Variants in NCOR1 observed in about 807,000 individuals in gnomAD.
The protein encoded by NCOR1 is protein phosphatase 1, regulatory subunit 109.
A neutral mutation model predicts 288.1 loss-of-function variants in NCOR1; 63 were observed. The ratio of observed to expected loss-of-function variants is 0.22; its 90% CI spans 0.18 to 0.27. The LOEUF (loss-of-function observed/expected upper bound fraction) is 0.27, where lower values mean the gene tolerates loss of function less well. NCOR1 is among the 10% of genes least tolerant of loss of function. The probability of loss-of-function intolerance (pLI) is 1.00; values close to 1 mark genes in which losing one functional copy is unlikely to be tolerated. For synonymous variants in NCOR1, 1,007 were observed against 1,065.9 expected, an observed-to-expected ratio of 0.94 and a Z score of 1.08; for missense variants, 2,397 against 3,019.2, an observed-to-expected ratio of 0.79 and a Z score of 4.83.
At chr17:16,122,089 G>A (rs2073130607) in intron 15 of NCOR1, among the ~76,000 whole-genome samples, 1 of 152,156 alleles carries the variant, frequency 6.6e-6, no homozygotes, top group South Asian at 2.1e-4. Flanking sequence ...AACTCCCTCA[G>A]GATATAAAGT....
At chr17:16,064,722 A>G in intron 34 of NCOR1, 148 bp downstream of exon 34, 1 of 661,614 alleles carries the variant, frequency 1.5e-6, no homozygotes. Context: ...ATCTAGTGAC[A>G]GCTGGCACAT....
At chr17:16,148,299 G>A (rs1014497494) in intron 9 of NCOR1, among the ~76,000 whole-genome samples, 1 of 152,124 alleles carries the variant, frequency 6.6e-6, no homozygotes, top group Non-Finnish European at 1.5e-5. Flanking sequence ...AGTTTGCAGA[G>A]AATTGGTTTT....
Position 16,070,382 on chromosome 17 carries a change from C to T in NCOR1, c.4296G>A (p.Arg1432=). The T allele has an allele frequency of 1.9e-6, 3 of 1,614,188 alleles. No individual in the cohort carries two copies. The highest frequency in any genetic ancestry group is 2.5e-6 in the Non-Finnish European group (3 of 1,180,040). ...CTGCTTTCACATCCTCATATTTTCC[C>T]CGTTCTACCACTTTTATGTTCTCTG... ...IVPENIKVVE[R]GKYEDVKAGE... is the part of the protein sequence containing the mutation. The change falls in exon 31 of 46, where the codon CGG becomes CGA. Residue 1432 remains arginine (R), a synonymous_variant. Transcript: ENST00000268712.
At chr17:16,177,567 T>C (rs2084462724) in intron 3 of NCOR1, among the ~76,000 whole-genome samples, 1 of 152,162 alleles carries the variant, frequency 6.6e-6, no homozygotes, top group African/African-American at 2.4e-5. Flanking sequence ...AGAATAGGTA[T>C]GGCTTTCTAA....
At chr17:16,203,206 C>T (rs565185249) in intron 1 of NCOR1, among the ~76,000 whole-genome samples, 1 of 152,314 alleles carries the variant, frequency 6.6e-6, no homozygotes, top group Admixed American at 6.5e-5. Flanking sequence ...AACCTTAAAT[C>T]AGAACATGTC....
intron 4 of NCOR1, among the ~76,000 whole-genome samples, chr17:16,167,150 T>G (rs1437643332): frequency 6.6e-6 from 1 of 152,196 alleles, no homozygotes; most frequent in Admixed American, 6.5e-5. Context: ...GCTCCTCAGG[T>G]GATTCTGATG....
Position 16,064,200 on chromosome 17 carries a change from A to G in NCOR1, c.5102-13T>C. The stretch of plus-strand genomic sequence containing the variant: ...TGTGTTGGGTGTCCTGTAAAACATA[A>G]ACCTGCAGCTTAAAGATAAAAATAT... On this transcript the variant is annotated splice_polypyrimidine_tract_variant and intron_variant, in intron 34 of 45. Coordinates refer to ENST00000268712, the MANE Select transcript of NCOR1 (RefSeq NM_006311.4). The G allele has an allele frequency of 6.2e-7, 1 of 1,607,636 alleles. No individual in the cohort carries two copies. The highest frequency in any genetic ancestry group is 8.5e-7 in the Non-Finnish European group (1 of 1,176,654).
intron 41 of NCOR1, 125 bp downstream of exon 41, chr17:16,048,720 C>A: frequency 2.0e-6 from 2 of 989,086 alleles, no homozygotes; most frequent in Non-Finnish European, 2.7e-6. Context: ...GACAAATGAT[C>A]CTCTAAGAAT....
At chr17:16,119,665 A>G (rs2072568667) in intron 16 of NCOR1, among the ~76,000 whole-genome samples, 180 bp from the exon 17 acceptor site, 2 of 152,232 alleles carry the variant, frequency 1.3e-5, no homozygotes, top group African/African-American at 2.4e-5. Context: ...AAACAAGTCA[A>G]CACTTCAATA....
intron 15 of NCOR1, among the ~76,000 whole-genome samples, chr17:16,125,688 C>A (rs1350216419): frequency 8.1e-6 from 1 of 123,232 alleles, no homozygotes; most frequent in Non-Finnish European, 1.6e-5. Flanking sequence ...GGCAACAGAG[C>A]GAGACGCCAT....
intron 3 of NCOR1, among the ~76,000 whole-genome samples, chr17:16,182,614 C>A (rs571108826): frequency 2.5e-4 from 38 of 152,212 alleles, no homozygotes; most frequent in Middle Eastern, 3.4e-3. Context: ...ACCACCACGC[C>A]CGGCTAATGT....
intron 2 of NCOR1, among the ~76,000 whole-genome samples, chr17:16,188,084 G>A (rs1338950002): frequency 6.6e-6 from 1 of 151,958 alleles, no homozygotes; most frequent in Non-Finnish European, 1.5e-5. Context: ...ACAATATAAT[G>A]AATATATTAA....
Position 16,086,224 on chromosome 17 carries a change from C to G in NCOR1, c.3177+58G>C. The G allele has an allele frequency of 2.0e-6, 3 of 1,530,670 alleles. No individual in the cohort carries two copies. The South Asian group carries it at 3.4e-5, about 17-fold the overall frequency. 94.8% of individuals were successfully genotyped at this position (1,530,670 alleles called of 1,614,324 possible). On this transcript the variant is annotated intron_variant, in intron 23 of 45. Coordinates refer to ENST00000268712, the MANE Select transcript of NCOR1 (RefSeq NM_006311.4). Reference sequence around the variant, plus strand: ...GACAAATCAGTGCGAGGAGGGAGGACAAGTTTTAACAAAGCCATATTCAAC... The same window carrying G: ...GACAAATCAGTGCGAGGAGGGAGGAGAAGTTTTAACAAAGCCATATTCAAC...
intron 2 of NCOR1, among the ~76,000 whole-genome samples, chr17:16,188,610 CA>C (rs1162863937): frequency 1.3e-4 from 17 of 132,692 alleles, no homozygotes; most frequent in South Asian, 2.4e-4. Context: ...GACTCCATCT[CA>C]AAAAAAAAAA....
rs775391836 is a variant in NCOR1, at chr17:16,101,709, C to T, written c.2231G>A (p.Arg744Gln). The change falls in exon 20 of 46, where the codon CGA becomes CAA. Residue 744 changes from arginine to glutamine, a missense_variant. By Grantham distance (43) the Arg-to-Gln change is conservative (BLOSUM62 1). Coordinates refer to ENST00000268712, the MANE Select transcript of NCOR1 (RefSeq NM_006311.4). ...SEDSPENATSRGNTEPAVELE... is the reference protein window; with the variant it reads ...SEDSPENATSQGNTEPAVELE... ...CTCAACCGCAGGTTCTGTGTTTCCT[C>T]GAGAAGTAGCATTTTCAGGACTGTC... The T allele has an allele frequency of 5.0e-6, 8 of 1,614,034 alleles. No homozygotes were observed. Among genetic ancestry groups the T allele is most frequent in the South Asian group, 4.4e-5 (4 of 91,088 alleles).
chr17:16,058,823 G>C (rs1199916480), intron 37 of NCOR1, among the ~76,000 whole-genome samples: 14 of 151,848 alleles, frequency 9.2e-5, no homozygotes, highest in Admixed American at 8.5e-4. Flanking sequence ...GAGGCAGGTG[G>C]ATCACCTGAG....
chr17:16,148,852 A>G (rs2078432351), intron 9 of NCOR1, among the ~76,000 whole-genome samples: 1 of 152,128 alleles, frequency 6.6e-6, no homozygotes, highest in Non-Finnish European at 1.5e-5. Flanking sequence ...CGATTTAAAG[A>G]GTAGCATTTA....
At chr17:16,080,778 T>C (rs2063272549) in intron 23 of NCOR1, 51 bp from the exon 24 acceptor site, 3 of 1,538,944 alleles carry the variant, frequency 1.9e-6, no homozygotes, top group East Asian at 2.3e-5. Context: ...ATTGTTTTTT[T>C]CACAAGGTCA....
rs185938826 is a variant in NCOR1 at position 16,187,406 on chromosome 17, A to C, written c.109-719T>G. The stretch of plus-strand genomic sequence containing the variant: ...ATTATTCACAACAGCCAAAAAATAA[A>C]AACAACCAAAATGTCCATCAACTAA... On this transcript the variant is annotated intron_variant, in intron 2 of 45. Coordinates refer to ENST00000268712, the MANE Select transcript of NCOR1 (RefSeq NM_006311.4). Among the ~76,000 whole-genome samples the C allele has an allele frequency of 1.2e-3, 188 of 152,228 alleles. 1 individual carries two copies. The highest frequency in any genetic ancestry group is 0.011 in the Admixed American group (170 of 15,284).
Sources: allele counts gnomAD v4.1 joint callset (sites outside exome capture counted in the v4.1 genomes callset), GRCh38; gene constraint gnomAD v4.1.1; transcripts MANE v1.5; gene names NCBI Gene and HGNC (gene_info 2026-07-23, HGNC 2026-07-21).